Variants in SEPTIN7 observed in about 807,000 individuals in gnomAD.
SEPTIN7 encodes the protein septin-7.
Under a neutral mutation model 63.3 loss-of-function variants are expected in SEPTIN7, and 10 were observed. That is an observed-to-expected ratio of 0.16 (90% CI 0.10 to 0.27). The LOEUF (loss-of-function observed/expected upper bound fraction) is 0.27, where lower values mean the gene tolerates loss of function less well. SEPTIN7 is among the 10% of genes least tolerant of loss of function. SEPTIN7 has a pLI of 1.00. For synonymous variants in SEPTIN7, 131 were observed against 165.3 expected (o/e 0.79, Z 1.59); for missense variants, 310 against 521.0 (o/e 0.59, Z 3.94).
chr7:35,887,765 G>A (rs1264382651), intron 10 of SEPTIN7, among the ~76,000 whole-genome samples: 1 of 152,168 alleles, frequency 6.6e-6, no homozygotes, highest in Non-Finnish European at 1.5e-5. Context: ...TAATACAGCA[G>A]AGCAGCAAGA....
chr7:35,818,186 G>A (rs1249101285), intron 1 of SEPTIN7, among the ~76,000 whole-genome samples: 1 of 152,050 alleles, frequency 6.6e-6, no homozygotes, highest in African/African-American at 2.4e-5. Context: ...ATCGTTGAAA[G>A]AGTGTTGAAT....
chr7:35,886,752 G>A (rs1273276488), intron 10 of SEPTIN7, among the ~76,000 whole-genome samples: 6 of 152,108 alleles, frequency 3.9e-5, no homozygotes. Flanking sequence ...CTTTTGCTGT[G>A]TAAAGAAAGG....
At chr7:35,851,599 C>T (rs1017215411) in intron 3 of SEPTIN7, among the ~76,000 whole-genome samples, 2 of 152,088 alleles carry the variant, frequency 1.3e-5, no homozygotes, top group Admixed American at 1.3e-4. Flanking sequence ...TGCAGAAGTA[C>T]ACTTGATTTG....
rs116098807 is a variant in SEPTIN7, at chr7:35,836,885, A to G, written c.169+3985A>G. On this transcript the variant is annotated intron_variant, in intron 3 of 13. Transcript: ENST00000350320. ...TGAAATGTTTTGAGTTATGATTTTA[A>G]GATTTTTCCTTGAGCTCTGTATTTT... Among the ~76,000 whole-genome samples the G allele has an allele frequency of 8.4e-3, 1,282 of 152,276 alleles. 13 individuals carry two copies. Among genetic ancestry groups the G allele is most frequent in the African/African-American group, 0.03 (1,250 of 41,564 alleles).
At chr7:35,841,665 G>A (rs1332537836) in intron 3 of SEPTIN7, among the ~76,000 whole-genome samples, 2 of 152,078 alleles carry the variant, frequency 1.3e-5, no homozygotes, top group Admixed American at 6.5e-5. Context: ...CTAGATGTTG[G>A]GACAGAAATA....
chr7:35,818,565 GAAGACATCTGGGTATGGGCTTTGTGT>G (rs1348796216), intron 1 of SEPTIN7, among the ~76,000 whole-genome samples: 3 of 152,030 alleles, frequency 2.0e-5, no homozygotes, highest in Non-Finnish European at 4.4e-5. Context: ...ATTTACTGGT[GAAGACATCTGGGTATGGGCTTTGTGT>G]AAAGTTGTGT....
intron 3 of SEPTIN7, among the ~76,000 whole-genome samples, chr7:35,851,304 T>C (rs982738015): frequency 1.3e-5 from 2 of 152,140 alleles, no homozygotes; most frequent in African/African-American, 4.8e-5. Flanking sequence ...TGTTTTGTTT[T>C]AATAAGGACA....
chr7:35,871,367 G>T (rs1291033748), intron 4 of SEPTIN7, among the ~76,000 whole-genome samples: 1 of 152,130 alleles, frequency 6.6e-6, no homozygotes, highest in African/African-American at 2.4e-5. Flanking sequence ...GTAGTCACTA[G>T]CCATATGTGG....
At chr7:35,876,840 A>T (rs578124784) in intron 6 of SEPTIN7, among the ~76,000 whole-genome samples, 1 of 152,186 alleles carries the variant, frequency 6.6e-6, no homozygotes, top group Admixed American at 6.5e-5. Context: ...TTGGTGGTGG[A>T]TGCCTGTAAT....
intron 3 of SEPTIN7, among the ~76,000 whole-genome samples, chr7:35,845,779 A>G (rs1011234630): frequency 6.6e-6 from 1 of 152,180 alleles, no homozygotes; most frequent in Admixed American, 6.5e-5. Flanking sequence ...TGTGTCAGGT[A>G]TTTAATGTTA....
At chr7:35,810,805 C>G (rs1253300089) in intron 1 of SEPTIN7, among the ~76,000 whole-genome samples, 1 of 150,782 alleles carries the variant, frequency 6.6e-6, no homozygotes, top group Non-Finnish European at 1.5e-5. Context: ...CTCGCTCTGT[C>G]GCCCAGGCTG....
At chr7:35,897,339 C>A (rs1480975000) in intron 11 of SEPTIN7, among the ~76,000 whole-genome samples, 1 of 152,112 alleles carries the variant, frequency 6.6e-6, no homozygotes, top group African/African-American at 2.4e-5. Flanking sequence ...GAGCCCACTT[C>A]CTGCTCCTGG....
intron 10 of SEPTIN7, among the ~76,000 whole-genome samples, chr7:35,889,298 T>C (rs1019420748): frequency 2.0e-5 from 3 of 152,204 alleles, no homozygotes; most frequent in Non-Finnish European, 2.9e-5. Context: ...GAAGTAACTA[T>C]TGTGGCTATA....
intron 3 of SEPTIN7, among the ~76,000 whole-genome samples, chr7:35,857,238 G>C (rs1785258332): frequency 2.0e-5 from 3 of 152,194 alleles, no homozygotes; most frequent in Admixed American, 1.3e-4. Flanking sequence ...ATGTGGAGTT[G>C]AGAACTAGAG....
chr7:35,903,054 T>C lies in SEPTIN7; in HGVS notation c.1135-22T>C. ...TCTGATTTCTTAAATAGTTTTGTTT[T>C]ATATATTGTGCTATGATTTAGCTCC... On this transcript the variant is annotated intron_variant, in intron 12 of 13. Transcript: ENST00000350320. 4 of 1,529,322 alleles carry C rather than the reference T, an allele frequency of 2.6e-6. No homozygotes were observed. In the South Asian group the frequency reaches 5.0e-5, roughly 19 times the overall value. The allele number at this position is 1,529,322 out of a possible 1,614,324, so 94.7% of individuals were successfully genotyped here. A position where few individuals can be genotyped will look rare whatever the true frequency, so the allele number is the denominator to read the frequency against.
intron 7 of SEPTIN7, among the ~76,000 whole-genome samples, chr7:35,880,371 A>T (rs1347200516): frequency 6.0e-5 from 9 of 151,138 alleles, no homozygotes; most frequent in African/African-American, 2.2e-4. Context: ...ACAAATTTGT[A>T]CATCTGTTTC....
At position 35,905,969 on chromosome 7, in the gene SEPTIN7, C is replaced by G. The variant is rs1302933280; in HGVS notation, c.*1676C>G. Reference sequence around the variant, plus strand: ...CTATTTACTTTTTAAAATTAATGACCTAAGCGGAGGGAATAATTATAAGTC... The same window carrying G: ...CTATTTACTTTTTAAAATTAATGACGTAAGCGGAGGGAATAATTATAAGTC... On this transcript the variant is annotated 3_prime_UTR_variant, in exon 14 of 14. Transcript: ENST00000350320. 6.6e-6 allele frequency: 1 copy of G among 152,012 alleles called. No individual in the cohort carries two copies. The highest frequency in any genetic ancestry group is 2.4e-5 in the African/African-American group (1 of 41,370). 9.4% of individuals were successfully genotyped at this position (152,012 alleles called of 1,614,324 possible).
intron 12 of SEPTIN7, chr7:35,899,653 A>G (rs1410122964): frequency 6.6e-6 from 1 of 152,228 alleles, no homozygotes; most frequent in Non-Finnish European, 1.5e-5. Context: ...GAGGCCAAAG[A>G]AGAAGGATTG....
At chr7:35,888,473 CTTAGGACCT>C (rs1175047052) in intron 10 of SEPTIN7, among the ~76,000 whole-genome samples, 1 of 151,940 alleles carries the variant, frequency 6.6e-6, no homozygotes, top group Non-Finnish European at 1.5e-5. Context: ...AGTTTTCTTC[CTTAGGACCT>C]TTAACGATTT....
Sources: gnomAD v4.1 joint callset for allele counts (sites outside exome capture counted in the v4.1 genomes callset) on GRCh38, gnomAD v4.1.1 for gene constraint, MANE v1.5 for transcripts, NCBI Gene and HGNC (gene_info 2026-07-23, HGNC 2026-07-21) for gene names.